Variants in PIGK observed in about 807,000 individuals in gnomAD.
The protein encoded by PIGK is GPI-anchor transamidase.
A neutral mutation model predicts 50.6 loss-of-function variants in PIGK; 42 were observed. The observed-to-expected ratio is 0.83, with a 90% CI of 0.65 to 1.07. The LOEUF is 1.07. Ranked by LOEUF, PIGK falls within the 50% of genes least tolerant of loss-of-function variation. The pLI is 0.00. For synonymous variants in PIGK, 151 were observed against 156.0 expected (o/e 0.97, Z 0.24); for missense variants, 448 against 488.7 (o/e 0.92, Z 0.78).
intron 9 of PIGK, among the ~76,000 whole-genome samples, chr1:77,145,632 A>G (rs1051861064): frequency 6.6e-6 from 1 of 152,122 alleles, no homozygotes; most frequent in African/African-American, 2.4e-5. Flanking sequence ...AGTTAATTCA[A>G]TCCCAATCAA....
intron 3 of PIGK, among the ~76,000 whole-genome samples, chr1:77,184,208 C>T (rs1015265284): frequency 1.1e-4 from 14 of 132,786 alleles, no homozygotes; most frequent in African/African-American, 2.8e-4. Context: ...TAATTAATCA[C>T]GGTGCTCCTA....
chr1:77,125,476 G>A (rs941378655), intron 9 of PIGK, among the ~76,000 whole-genome samples: 22 of 152,158 alleles, frequency 1.4e-4, no homozygotes, highest in African/African-American at 4.6e-4. Flanking sequence ...CAATTAAAAT[G>A]ATTACTCATT....
chr1:77,117,922 C>T (rs1654015510), intron 10 of PIGK, among the ~76,000 whole-genome samples: 1 of 152,072 alleles, frequency 6.6e-6, no homozygotes, highest in African/African-American at 2.4e-5. Context: ...TCAATTTATG[C>T]CAATTTATAC....
At position 77,110,266 on chromosome 1, in the gene PIGK, G is replaced by C. The variant is rs556172531; in HGVS notation, c.1071+12009C>G. On this transcript the variant is annotated intron_variant, in intron 10 of 10. Coordinates refer to ENST00000370812, the MANE Select transcript of PIGK (RefSeq NM_005482.3). The stretch of plus-strand genomic sequence containing the variant: ...CAGAATTGGAAAAAACTACTTTAAA[G>C]TTCATATGGAACCAAAAAAGAGCCC... 7.2e-5 allele frequency among the ~76,000 whole-genome samples: 11 copies of C among 152,172 alleles called. No individual in the cohort carries two copies. The South Asian group carries it at 1.5e-3, about 20-fold the overall frequency.
At chr1:77,169,438 G>T (rs758892212) in intron 3 of PIGK, 43 bp from the exon 4 acceptor site, 3 of 1,478,746 alleles carry the variant, frequency 2.0e-6, no homozygotes, top group Non-Finnish European at 2.8e-6. Flanking sequence ...TAGATAAAAG[G>T]AAAAAGTTAA....
At chr1:77,211,191 G>A (rs1656412002) in intron 1 of PIGK, among the ~76,000 whole-genome samples, 2 of 151,710 alleles carry the variant, frequency 1.3e-5, no homozygotes, top group Non-Finnish European at 1.5e-5. Flanking sequence ...AGTAAGGCAG[G>A]GGCTTTCATC....
At chr1:77,107,046 G>T (rs1653699207) in intron 10 of PIGK, among the ~76,000 whole-genome samples, 1 of 152,078 alleles carries the variant, frequency 6.6e-6, no homozygotes, top group Non-Finnish European at 1.5e-5. Context: ...ACAGCTCCTG[G>T]ATTCATTGAA....
intron 9 of PIGK, chr1:77,129,611 G>C (rs1213727490): frequency 3.9e-6 from 6 of 1,547,408 alleles, no homozygotes; most frequent in Non-Finnish European, 4.4e-6. Flanking sequence ...AGGTTGCCCA[G>C]AAGAAAAAGA....
At chr1:77,097,249 C>T (rs1446400950) in intron 10 of PIGK, among the ~76,000 whole-genome samples, 4 of 152,000 alleles carry the variant, frequency 2.6e-5, no homozygotes, top group Non-Finnish European at 5.9e-5. Context: ...TATAGTCTTC[C>T]GGAAAGAGAG....
At chr1:77,197,805 G>A (rs115288254) in intron 3 of PIGK, among the ~76,000 whole-genome samples, 1 of 152,174 alleles carries the variant, frequency 6.6e-6, no homozygotes, top group African/African-American at 2.4e-5. Flanking sequence ...ATATTCTTAT[G>A]TTTACACAAT....
At chr1:77,149,497 A>C (rs1654845936) in intron 9 of PIGK, among the ~76,000 whole-genome samples, 1 of 152,210 alleles carries the variant, frequency 6.6e-6, no homozygotes, top group African/African-American at 2.4e-5. Flanking sequence ...CCATAAAAAG[A>C]AACAAAGAAG....
chr1:77,123,618 T>G (rs1007680329), intron 9 of PIGK, among the ~76,000 whole-genome samples: 1 of 151,810 alleles, frequency 6.6e-6, no homozygotes, highest in African/African-American at 2.4e-5. Context: ...GAATGGTGGC[T>G]GCCAGGAGCT....
intron 9 of PIGK, among the ~76,000 whole-genome samples, chr1:77,138,500 C>T (rs1411639018): frequency 1.3e-5 from 2 of 152,172 alleles, no homozygotes; most frequent in East Asian, 1.9e-4. Context: ...TGGAAGAGGA[C>T]GCCAAGCCTC....
chr1:77,171,084 T>C (rs1205675860), intron 3 of PIGK, among the ~76,000 whole-genome samples: 4 of 152,112 alleles, frequency 2.6e-5, no homozygotes, highest in African/African-American at 9.7e-5. Context: ...TAAATAAATA[T>C]CAATCATATA....
intron 3 of PIGK, among the ~76,000 whole-genome samples, chr1:77,174,524 C>G (rs1281350165): frequency 6.6e-6 from 1 of 152,124 alleles, no homozygotes; most frequent in Non-Finnish European, 1.5e-5. Flanking sequence ...CACAAGACAG[C>G]TTTGGTGTGT....
chr1:77,161,197 T>C (rs1570232915), intron 8 of PIGK, 98 bp downstream of exon 8: 2 of 684,524 alleles, frequency 2.9e-6, no homozygotes, highest in Admixed American at 2.3e-5. Flanking sequence ...ATTCAACACA[T>C]AAAACAAGAT....
chr1:77,094,253 A>G (rs1335268969), intron 10 of PIGK, among the ~76,000 whole-genome samples: 1 of 152,186 alleles, frequency 6.6e-6, no homozygotes, highest in East Asian at 1.9e-4. Context: ...GCACTGACCT[A>G]GTTTGAGAGA....
intron 9 of PIGK, among the ~76,000 whole-genome samples, chr1:77,125,891 G>A (rs1010058719): frequency 1.4e-4 from 22 of 152,046 alleles, no homozygotes; most frequent in African/African-American, 5.3e-4. Context: ...TTCTCTTATT[G>A]CAGATTATTT....
intron 3 of PIGK, among the ~76,000 whole-genome samples, chr1:77,181,792 T>C (rs577679925): frequency 1.4e-4 from 21 of 152,300 alleles, no homozygotes; most frequent in African/African-American, 5.1e-4. Context: ...GTCAAGCAAA[T>C]TCAACAAGTC....
Sources: gnomAD v4.1 joint callset for allele counts (sites outside exome capture counted in the v4.1 genomes callset) on GRCh38, gnomAD v4.1.1 for gene constraint, MANE v1.5 for transcripts, NCBI Gene and HGNC (gene_info 2026-07-23, HGNC 2026-07-21) for gene names.